Variants in ZMYM4 observed in about 807,000 individuals in gnomAD.
ZMYM4 encodes zinc finger MYM-type protein 4.
Under a neutral mutation model 183.2 loss-of-function variants are expected in ZMYM4, and 31 were observed. That is an observed-to-expected ratio of 0.17 (90% CI 0.13 to 0.23). ZMYM4 has a LOEUF of 0.23. Ranked by LOEUF, ZMYM4 falls within the 10% of genes least tolerant of loss-of-function variation. The pLI, the probability that ZMYM4 is intolerant of heterozygous loss-of-function variation, is 1.00. For synonymous variants in ZMYM4, 592 were observed against 631.2 expected, an observed-to-expected ratio of 0.94 and a Z score of 0.93; for missense variants, 1,273 against 1,840.3, an observed-to-expected ratio of 0.69 and a Z score of 5.64.
At chr1:35,403,920 GT>G (rs920331771) in intron 23 of ZMYM4, among the ~76,000 whole-genome samples, 1 of 152,162 alleles carries the variant, frequency 6.6e-6, no homozygotes, top group Admixed American at 6.6e-5. Context: ...CTTTCAAGAA[GT>G]TTGTCCATTT....
At chr1:35,325,271 A>G in intron 1 of ZMYM4, 89 bp from the exon 2 acceptor site, 1 of 1,213,814 alleles carries the variant, frequency 8.2e-7, no homozygotes, top group Non-Finnish European at 1.2e-6. Flanking sequence ...TGAAAATTAC[A>G]GCTCCTTGGG....
intron 2 of ZMYM4, among the ~76,000 whole-genome samples, chr1:35,348,132 G>T (rs926943205): frequency 1.3e-5 from 2 of 152,100 alleles, no homozygotes; most frequent in African/African-American, 4.8e-5. Context: ...TTTATAAAAT[G>T]GTTTATACTG....
intron 11 of ZMYM4, 137 bp downstream of exon 11, chr1:35,386,326 A>T: frequency 1.7e-6 from 1 of 595,638 alleles, no homozygotes; most frequent in Non-Finnish European, 2.8e-6. Flanking sequence ...ACAGTTCCAC[A>T]GGCTGTACAG....
chr1:35,295,144 A>G lies in ZMYM4; in HGVS notation c.39+26059A>G, dbSNP rs560621190. The stretch of plus-strand genomic sequence containing the variant: ...GGGAATAACTGCTAAACAAATAATT[A>G]ATGTACAACATTTTAAATAAAACAT... On this transcript the variant is annotated intron_variant, in intron 1 of 29. Transcript: ENST00000314607. Among the ~76,000 whole-genome samples the G allele has an allele frequency of 8.1e-4, 123 of 152,370 alleles. 2 individuals carry two copies. The South Asian group carries it at 0.025, about 31-fold the overall frequency.
chr1:35,370,809 C>A, intron 7 of ZMYM4, 182 bp downstream of exon 7: 1 of 683,992 alleles, frequency 1.5e-6, no homozygotes, highest in Non-Finnish European at 2.0e-6. Context: ...CTTCCAGGTG[C>A]TAGGTGCTCA....
chr1:35,382,213 CGT>C (rs1293348836), intron 9 of ZMYM4, among the ~76,000 whole-genome samples: 1 of 135,656 alleles, frequency 7.4e-6, no homozygotes, highest in East Asian at 2.4e-4. Flanking sequence ...CACACACACA[CGT>C]ATATATACGT....
Position 35,421,163 on chromosome 1 carries a change from GGT to G in ZMYM4, c.*1489_*1490del, listed in dbSNP as rs1640314063. On this transcript the variant is annotated 3_prime_UTR_variant, in exon 30 of 30. Coordinates refer to ENST00000314607, the MANE Select transcript of ZMYM4 (RefSeq NM_005095.3). Reference sequence around the variant, plus strand: ...TCTCATTTTTTAGGTGGGGGTGGCAGGTGTATTTCTTTTTTAACAAATAAAAG... The same window carrying G: ...TCTCATTTTTTAGGTGGGGGTGGCAGGTATTTCTTTTTTAACAAATAAAAG... 6.6e-6 allele frequency: 1 copy of G among 152,566 alleles called. No homozygotes were observed. Among genetic ancestry groups the G allele is most frequent in the Non-Finnish European group, 1.5e-5 (1 of 68,026 alleles). 9.5% of individuals were successfully genotyped at this position (152,566 alleles called of 1,614,324 possible).
At chr1:35,395,660 A>G (rs78359452) in intron 18 of ZMYM4, among the ~76,000 whole-genome samples, 2,764 of 152,270 alleles carry the variant, frequency 0.018, 79 homozygotes, top group African/African-American at 0.063. Flanking sequence ...AATATGCCCA[A>G]CCTCCAGAAC....
At chr1:35,338,724 T>C (rs2148854227) in intron 2 of ZMYM4, among the ~76,000 whole-genome samples, 1 of 152,366 alleles carries the variant, frequency 6.6e-6, no homozygotes, top group Middle Eastern at 3.4e-3. Flanking sequence ...AATGAGTAGT[T>C]GAACATTTTT....
intron 1 of ZMYM4, among the ~76,000 whole-genome samples, chr1:35,324,841 A>G (rs1438266513): frequency 6.6e-6 from 1 of 152,174 alleles, no homozygotes; most frequent in East Asian, 1.9e-4. Context: ...GTGTTTAAAG[A>G]TCTGAAATTA....
chr1:35,297,456 A>T (rs1024423211), intron 1 of ZMYM4, among the ~76,000 whole-genome samples: 6 of 149,116 alleles, frequency 4.0e-5, no homozygotes, highest in Non-Finnish European at 7.4e-5. Flanking sequence ...ACGCCACTGC[A>T]CTCCAGCCTG....
intron 2 of ZMYM4, among the ~76,000 whole-genome samples, chr1:35,342,626 A>G (rs887768578): frequency 6.6e-6 from 1 of 151,982 alleles, no homozygotes; most frequent in African/African-American, 2.4e-5. Flanking sequence ...TGTCCATCTT[A>G]AAATTTGTTT....
intron 15 of ZMYM4, among the ~76,000 whole-genome samples, chr1:35,391,965 C>T (rs977908140): frequency 6.6e-6 from 1 of 151,920 alleles, no homozygotes; most frequent in Non-Finnish European, 1.5e-5. Context: ...CGCTTGAACC[C>T]GGGAGGTGGA....
chr1:35,387,696 GT>G lies in ZMYM4; in HGVS notation c.2263+96del, dbSNP rs373670047. The stretch of plus-strand genomic sequence containing the variant: ...AAGCTTTCACTGTCTAAGTTAATCT[GT>G]TTTATTGTTTATGTATAACGTAAAT... On this transcript the variant is annotated intron_variant, in intron 13 of 29. Transcript: ENST00000314607. 65 of 1,340,314 alleles carry G rather than the reference GT, an allele frequency of 4.8e-5. 2 individuals are homozygous for G. The African/African-American group carries it at 4.9e-4, about 10-fold the overall frequency. 83.0% of individuals were successfully genotyped at this position (1,340,314 alleles called of 1,614,324 possible).
chr1:35,374,293 C>T (rs902802994), intron 7 of ZMYM4, among the ~76,000 whole-genome samples: 1 of 152,002 alleles, frequency 6.6e-6, no homozygotes, highest in Non-Finnish European at 1.5e-5. Context: ...CTTGGCCTCC[C>T]AAAGTGCTGG....
intron 2 of ZMYM4, among the ~76,000 whole-genome samples, chr1:35,338,698 T>A (rs1365084020): frequency 6.6e-6 from 1 of 152,266 alleles, no homozygotes. Context: ...TTGTCTTTAA[T>A]TTGCATTTCC....
At chr1:35,347,398 T>C (rs1486787403) in intron 2 of ZMYM4, among the ~76,000 whole-genome samples, 1 of 152,180 alleles carries the variant, frequency 6.6e-6, no homozygotes, top group Non-Finnish European at 1.5e-5. Context: ...AATGAACTTA[T>C]GAGAGTAAAA....
intron 21 of ZMYM4, 92 bp from the exon 22 acceptor site, chr1:35,398,772 T>A (rs1402489779): frequency 1.4e-5 from 18 of 1,317,854 alleles, no homozygotes; most frequent in Non-Finnish European, 1.9e-5. Context: ...CGTATCTCAT[T>A]TTTTGGTATT....
chr1:35,394,326 G>T (rs1387504908), intron 18 of ZMYM4, among the ~76,000 whole-genome samples: 1 of 151,796 alleles, frequency 6.6e-6, no homozygotes, highest in Non-Finnish European at 1.5e-5. Flanking sequence ...TGGGGTGAGG[G>T]TGATCAGGAT....
Sources: gnomAD v4.1 joint callset for allele counts (sites outside exome capture counted in the v4.1 genomes callset) on GRCh38, gnomAD v4.1.1 for gene constraint, MANE v1.5 for transcripts, NCBI Gene and HGNC (gene_info 2026-07-23, HGNC 2026-07-21) for gene names.